The following CYYR1 variants were observed in gnomAD, a reference collection of about 807,000 sequenced individuals.
CYYR1 encodes cysteine and tyrosine rich 1, also known as cysteine and tyrosine-rich protein 1.
A neutral mutation model predicts 15.2 loss-of-function variants in CYYR1; 14 were observed. The observed-to-expected ratio is 0.92, with a 90% confidence interval of 0.61 to 1.44. The LOEUF is 1.44. Ranked by LOEUF, CYYR1 falls within the 40% of genes most tolerant of loss-of-function variation. The pLI, the probability that CYYR1 is intolerant of heterozygous loss-of-function variation, is 0.00. For synonymous variants in CYYR1, 80 were observed against 77.4 expected (o/e 1.03, Z -0.18); for missense variants, 228 against 209.5 (o/e 1.09, Z -0.54).
chr21:26,485,854 T>C (rs1389007250), intron 2 of CYYR1, among the ~76,000 whole-genome samples: 2 of 152,106 alleles, frequency 1.3e-5, no homozygotes, highest in Non-Finnish European at 2.9e-5. Context: ...ACGATAAATG[T>C]ATGTTTGAGT....
At chr21:26,488,828 G>T (rs1041820396) in intron 2 of CYYR1, among the ~76,000 whole-genome samples, 2 of 152,004 alleles carry the variant, frequency 1.3e-5, no homozygotes, top group Non-Finnish European at 2.9e-5. Context: ...TGAGTTTGAT[G>T]GAGTTTGTAT....
intron 2 of CYYR1, among the ~76,000 whole-genome samples, chr21:26,505,296 C>T (rs2065540549): frequency 6.6e-6 from 1 of 152,078 alleles, no homozygotes; most frequent in African/African-American, 2.4e-5. Context: ...TTGTTATCCC[C>T]AAGCATGTAA....
intron 2 of CYYR1, among the ~76,000 whole-genome samples, chr21:26,495,219 T>TA (rs2065380221): frequency 6.6e-6 from 1 of 152,166 alleles, no homozygotes; most frequent in Non-Finnish European, 1.5e-5. Context: ...CTGATCACGT[T>TA]AATGCAGATT....
intron 2 of CYYR1, among the ~76,000 whole-genome samples, chr21:26,495,755 T>G (rs1215283260): frequency 6.6e-6 from 1 of 152,240 alleles, no homozygotes; most frequent in African/African-American, 2.4e-5. Context: ...TTTCAGGGTT[T>G]ATTTGTTTCA....
intron 2 of CYYR1, among the ~76,000 whole-genome samples, chr21:26,508,100 G>T (rs1181390181): frequency 6.6e-6 from 1 of 152,164 alleles, no homozygotes; most frequent in African/African-American, 2.4e-5. Context: ...AGAGAAAGTT[G>T]CCAGTTAGAG....
At chr21:26,482,409 T>C (rs1311269153) in intron 2 of CYYR1, 1 of 985,240 alleles carries the variant, frequency 1.0e-6, no homozygotes, top group Non-Finnish European at 1.2e-6. Context: ...TTATCAGTTC[T>C]GTTCTGCTCC....
chr21:26,553,455 C>A (rs1264379760), intron 2 of CYYR1, among the ~76,000 whole-genome samples: 6 of 151,978 alleles, frequency 3.9e-5, no homozygotes, highest in Non-Finnish European at 5.9e-5. Flanking sequence ...GATGCTAAAC[C>A]CTGTCCACAT....
At chr21:26,513,927 G>C (rs13052698) in intron 2 of CYYR1, among the ~76,000 whole-genome samples, 1 of 127,314 alleles carries the variant, frequency 7.9e-6, no homozygotes, top group Non-Finnish European at 1.6e-5. Flanking sequence ...GGTGGGGGGA[G>C]GGGGGAGGGA....
intron 2 of CYYR1, among the ~76,000 whole-genome samples, chr21:26,512,719 A>G (rs1003540218): frequency 3.3e-5 from 5 of 152,214 alleles, no homozygotes; most frequent in Admixed American, 2.6e-4. Context: ...CGCATTGTCT[A>G]TAACTTTTTC....
rs2065420824 is a variant in CYYR1 at position 26,497,374 on chromosome 21, GC to G, written c.177-16946del. Among the ~76,000 whole-genome samples the G allele has an allele frequency of 5.3e-5, 8 of 152,180 alleles. No homozygotes were observed. The South Asian group carries it at 1.7e-3, about 32-fold the overall frequency. ...ATTCATGTAATAGAACATAAAATAA[GC>G]CCTTTAACAAGAATTTGGATTTCAT... On this transcript the variant is annotated intron_variant, in intron 2 of 3. Transcript: ENST00000652641.
At chr21:26,552,910 C>T (rs1979496678) in intron 2 of CYYR1, among the ~76,000 whole-genome samples, 1 of 152,100 alleles carries the variant, frequency 6.6e-6, no homozygotes, top group Non-Finnish European at 1.5e-5. Context: ...AAACAGCCTA[C>T]CATATTTACT....
At chr21:26,491,645 C>T (rs1227143885) in intron 2 of CYYR1, among the ~76,000 whole-genome samples, 1 of 152,150 alleles carries the variant, frequency 6.6e-6, no homozygotes, top group Non-Finnish European at 1.5e-5. Flanking sequence ...TAATAAAACT[C>T]ATGTTGATAT....
chr21:26,572,832 A>G, intron 1 of CYYR1, 36 bp downstream of exon 1: 1 of 1,610,876 alleles, frequency 6.2e-7, no homozygotes, highest in Non-Finnish European at 8.5e-7. Context: ...GGCAGCCCCG[A>G]GCCTCTGACC....
intron 2 of CYYR1, among the ~76,000 whole-genome samples, chr21:26,559,179 A>G (rs1343768481): frequency 6.6e-6 from 1 of 152,150 alleles, no homozygotes; most frequent in Non-Finnish European, 1.5e-5. Context: ...CGGTATTTCA[A>G]TGTTTTAAGT....
At chr21:26,505,774 A>G (rs958117580) in intron 2 of CYYR1, among the ~76,000 whole-genome samples, 2 of 151,888 alleles carry the variant, frequency 1.3e-5, no homozygotes, top group Non-Finnish European at 2.9e-5. Context: ...CAAAGAGGAC[A>G]TTTTGGAGAA....
intron 2 of CYYR1, among the ~76,000 whole-genome samples, chr21:26,547,636 A>G (rs1049945409): frequency 5.3e-5 from 8 of 152,146 alleles, no homozygotes; most frequent in African/African-American, 1.2e-4. Flanking sequence ...ATAATTTTAT[A>G]TGCCATCTAT....
chr21:26,478,603 C>A (rs2065132917), intron 3 of CYYR1, among the ~76,000 whole-genome samples: 1 of 152,078 alleles, frequency 6.6e-6, no homozygotes, highest in South Asian at 2.1e-4. Context: ...AAATGGGGAA[C>A]CGCTGGAAGA....
At chr21:26,567,110 G>T (rs2123738643) in intron 1 of CYYR1, among the ~76,000 whole-genome samples, 1 of 152,048 alleles carries the variant, frequency 6.6e-6, no homozygotes, top group Non-Finnish European at 1.5e-5. Flanking sequence ...TACCAAAAAG[G>T]AATAATTTCA....
intron 2 of CYYR1, among the ~76,000 whole-genome samples, chr21:26,555,822 A>G (rs910107981): frequency 5.3e-5 from 8 of 152,160 alleles, no homozygotes; most frequent in Non-Finnish European, 8.8e-5. Context: ...TGCCCATCAG[A>G]ATTCTTCCAA....
Sources: gnomAD v4.1 joint callset for allele counts (sites outside exome capture counted in the v4.1 genomes callset) on GRCh38, gnomAD v4.1.1 for gene constraint, MANE v1.5 for transcripts, NCBI Gene and HGNC (gene_info 2026-07-23, HGNC 2026-07-21) for gene names.